PHACTR1: variants seen among roughly 807,000 people sequenced by gnomAD.
PHACTR1 encodes the protein RPEL repeat containing 1.
Under a neutral mutation model 69.2 loss-of-function variants are expected in PHACTR1, and 16 were observed. That is an observed-to-expected ratio of 0.23 (90% CI 0.16 to 0.35). The LOEUF is 0.35. PHACTR1 is among the 10% of genes least tolerant of loss of function. The probability of loss-of-function intolerance (pLI) is 1.00; values close to 1 mark genes in which losing one functional copy is unlikely to be tolerated. For synonymous variants in PHACTR1, 312 were observed against 284.5 expected, an observed-to-expected ratio of 1.10 and a Z score of -0.97; for missense variants, 510 against 734.7, an observed-to-expected ratio of 0.69 and a Z score of 3.54.
chr6:12,838,877 G>A (rs745504858), intron 4 of PHACTR1, among the ~76,000 whole-genome samples: 12 of 152,228 alleles, frequency 7.9e-5, no homozygotes, highest in African/African-American at 2.2e-4. Context: ...TGCATCTCAG[G>A]TCTCTGGTCT....
rs565984233 is a variant in PHACTR1, at chr6:13,174,273, C to T, written c.497-8246C>T. ...AGAAAAGGCAATTAGCAAATGCTTG[C>T]GTTAGCCTCCTCTTCTGTGTCTTCA... On this transcript the variant is annotated intron_variant, in intron 6 of 14. Coordinates refer to ENST00000332995, the MANE Select transcript of PHACTR1 (RefSeq NM_030948.6). Among the ~76,000 whole-genome samples the T allele has an allele frequency of 3.3e-5, 5 of 152,330 alleles. No homozygotes were observed. In the East Asian group the frequency reaches 7.7e-4, roughly 24 times the overall value.
intron 5 of PHACTR1, among the ~76,000 whole-genome samples, chr6:13,109,833 CGTGTGTGTGTGT>C (rs58370068): frequency 1.4e-5 from 2 of 146,078 alleles, no homozygotes; most frequent in East Asian, 2.1e-4. Flanking sequence ...ATTTTTTCAG[CGTGTGTGTGTGT>C]GTGTGTGTGT....
At chr6:12,931,202 T>C (rs1788833286) in intron 4 of PHACTR1, among the ~76,000 whole-genome samples, 1 of 152,196 alleles carries the variant, frequency 6.6e-6, no homozygotes, top group Admixed American at 6.5e-5. Context: ...AAGTGGTTTC[T>C]GGTATTTCTC....
chr6:13,261,504 A>C (rs970991287), intron 10 of PHACTR1, among the ~76,000 whole-genome samples: 5 of 152,224 alleles, frequency 3.3e-5, no homozygotes, highest in South Asian at 2.1e-4. Context: ...GAAAAGTTTG[A>C]AATGGCAACA....
At chr6:13,268,902 G>A (rs553651863) in intron 10 of PHACTR1, among the ~76,000 whole-genome samples, 40 of 152,160 alleles carry the variant, frequency 2.6e-4, no homozygotes, top group Admixed American at 9.8e-4. Flanking sequence ...GAAATTATGA[G>A]TGTTTGACTA....
chr6:12,921,197 C>G (rs931302471), intron 4 of PHACTR1, among the ~76,000 whole-genome samples: 5 of 152,200 alleles, frequency 3.3e-5, no homozygotes, highest in Non-Finnish European at 5.9e-5. Flanking sequence ...CTGCCATGAT[C>G]ACACAACTAG....
intron 4 of PHACTR1, among the ~76,000 whole-genome samples, chr6:12,949,087 A>G (rs1790990125): frequency 6.6e-6 from 1 of 152,114 alleles, no homozygotes; most frequent in African/African-American, 2.4e-5. Flanking sequence ...TCTGACCAAC[A>G]TGGAGAAAAC....
At chr6:13,187,491 T>C (rs976314940) in intron 7 of PHACTR1, among the ~76,000 whole-genome samples, 1 of 152,182 alleles carries the variant, frequency 6.6e-6, no homozygotes, top group Non-Finnish European at 1.5e-5. Flanking sequence ...TTCTGAAGTA[T>C]ACTGAGAGAC....
chr6:13,057,166 A>G (rs1806918428), intron 5 of PHACTR1, among the ~76,000 whole-genome samples: 1 of 152,210 alleles, frequency 6.6e-6, no homozygotes, highest in Non-Finnish European at 1.5e-5. Flanking sequence ...CAAAGAAAAG[A>G]TAACTGTTTG....
chr6:13,157,710 C>T (rs1319484504), intron 5 of PHACTR1, among the ~76,000 whole-genome samples: 4 of 152,096 alleles, frequency 2.6e-5, no homozygotes, highest in East Asian at 3.9e-4. Context: ...AAGAGAAATC[C>T]GTTTTATTTA....
chr6:12,891,786 C>T (rs1784192844), intron 4 of PHACTR1, among the ~76,000 whole-genome samples: 1 of 148,038 alleles, frequency 6.8e-6, no homozygotes, highest in Non-Finnish European at 1.5e-5. Context: ...AGGTTTTGTA[C>T]ATAGTAACAG....
At chr6:12,824,506 T>A (rs1020216004) in intron 4 of PHACTR1, among the ~76,000 whole-genome samples, 1 of 152,164 alleles carries the variant, frequency 6.6e-6, no homozygotes, top group Non-Finnish European at 1.5e-5. Flanking sequence ...CTAATGACAT[T>A]ATAAATCTGC....
intron 5 of PHACTR1, among the ~76,000 whole-genome samples, chr6:13,077,614 T>C (rs1810726505): frequency 6.6e-6 from 1 of 152,166 alleles, no homozygotes; most frequent in Non-Finnish European, 1.5e-5. Flanking sequence ...GGGCTTTCAT[T>C]CCACTGGAGG....
At chr6:12,825,130 G>GAC (rs139069335) in intron 4 of PHACTR1, among the ~76,000 whole-genome samples, 367 of 151,154 alleles carry the variant, frequency 2.4e-3, no homozygotes, top group Non-Finnish European at 3.5e-3. Flanking sequence ...CACACACACA[G>GAC]ACACACACAC....
At chr6:13,019,053 A>AATAT (rs139940828) in intron 4 of PHACTR1, among the ~76,000 whole-genome samples, 27 of 110,546 alleles carry the variant, frequency 2.4e-4, no homozygotes, top group Non-Finnish European at 2.9e-4. Flanking sequence ...TTACAGTTGA[A>AATAT]ATATATATAT....
rs1770581222 is a variant in PHACTR1 at position 13,230,098 on chromosome 6, C to T, written c.1296C>T (p.Pro432=). The stretch of plus-strand genomic sequence containing the variant: ...TAGCCATCAAACTCAGCAACAGGCC[C>T]TCCAAGCGAGAGCTGGAAGAAAAGA... ...DSLAIKLSNR[P]SKRELEEKNI... is the part of the protein sequence containing the mutation. Residue 432 remains proline, a synonymous_variant, in exon 10 of 15, where the codon CCC becomes CCT. Coordinates refer to ENST00000332995, the MANE Select transcript of PHACTR1 (RefSeq NM_030948.6). The T allele has an allele frequency of 6.2e-7, 1 of 1,611,372 alleles. No homozygotes were observed. Among genetic ancestry groups the T allele is most frequent in the Non-Finnish European group, 8.5e-7 (1 of 1,178,958 alleles).
At chr6:12,728,286 C>A (rs1268183189) in intron 3 of PHACTR1, among the ~76,000 whole-genome samples, 2 of 152,116 alleles carry the variant, frequency 1.3e-5, no homozygotes, top group Non-Finnish European at 2.9e-5. Context: ...GCCACTGCAC[C>A]AGCCTGGGCA....
chr6:13,076,163 A>T (rs1810438444), intron 5 of PHACTR1, among the ~76,000 whole-genome samples: 2 of 152,138 alleles, frequency 1.3e-5, no homozygotes, highest in South Asian at 4.1e-4. Flanking sequence ...GGTACAAAAA[A>T]TAGAGAGCTA....
chr6:12,963,135 G>A (rs1217865149), intron 4 of PHACTR1, among the ~76,000 whole-genome samples: 1 of 152,376 alleles, frequency 6.6e-6, no homozygotes, highest in East Asian at 1.9e-4. Context: ...AGGAAGTCCA[G>A]CTCATAGCTG....
Sources: allele counts gnomAD v4.1 joint callset (sites outside exome capture counted in the v4.1 genomes callset), GRCh38; gene constraint gnomAD v4.1.1; transcripts MANE v1.5; gene names NCBI Gene and HGNC (gene_info 2026-07-23, HGNC 2026-07-21).